Variants in ADGRV1 observed in about 807,000 individuals in gnomAD.
ADGRV1 encodes G-protein coupled receptor 98.
In ADGRV1, 359 loss-of-function variants were observed where a neutral mutation model predicts 596.2. That is an observed-to-expected ratio of 0.60 (90% confidence interval 0.55 to 0.66). The LOEUF is 0.66. ADGRV1 is among the 30% of genes least tolerant of loss of function. The pLI, the probability that ADGRV1 is intolerant of heterozygous loss-of-function variation, is 0.00. For synonymous variants in ADGRV1, 2,681 were observed against 2,679.2 expected (o/e 1.00, Z -0.02); for missense variants, 7,274 against 7,575.6 (o/e 0.96, Z 1.48).
intron 85 of ADGRV1, among the ~76,000 whole-genome samples, chr5:91,032,513 A>G (rs907678204): frequency 6.6e-6 from 1 of 151,924 alleles, no homozygotes; most frequent in Non-Finnish European, 1.5e-5. Context: ...TATCATTAGT[A>G]TTGTCTTCCT....
rs116016689 is a variant in ADGRV1, at chr5:91,151,066, T to C, written c.18624+845T>C. On this transcript the variant is annotated intron_variant, in intron 88 of 89. Transcript: ENST00000405460. ...TTAAGGAGCCAAGGAAAACAGTATTTGTGTTTACTTCCTGAAAAATGGCAG... is the reference window on the plus strand; with the variant it reads ...TTAAGGAGCCAAGGAAAACAGTATTCGTGTTTACTTCCTGAAAAATGGCAG... 3.4e-3 allele frequency among the ~76,000 whole-genome samples: 516 copies of C among 152,290 alleles called. 4 individuals are homozygous for C. Among genetic ancestry groups the C allele is most frequent in the African/African-American group, 0.011 (472 of 41,566 alleles).
chr5:90,872,882 T>C (rs565414462), intron 83 of ADGRV1, among the ~76,000 whole-genome samples: 72 of 152,362 alleles, frequency 4.7e-4, no homozygotes, highest in African/African-American at 1.6e-3. Context: ...TCTGTTACTA[T>C]AGTAAGCATG....
intron 70 of ADGRV1, among the ~76,000 whole-genome samples, chr5:90,795,669 A>G (rs1760621132): frequency 6.6e-6 from 1 of 152,288 alleles, no homozygotes; most frequent in African/African-American, 2.4e-5. Flanking sequence ...CTGCCTCCTC[A>G]AGTGGATCCC....
intron 85 of ADGRV1, among the ~76,000 whole-genome samples, chr5:91,035,839 A>AGTGT (rs200468874): frequency 1.3e-4 from 15 of 119,230 alleles, no homozygotes; most frequent in South Asian, 2.7e-4. Flanking sequence ...GTAATAAATG[A>AGTGT]GTGTGTATAT....
chr5:90,888,217 T>C (rs1283882059), intron 83 of ADGRV1, among the ~76,000 whole-genome samples: 1 of 152,170 alleles, frequency 6.6e-6, no homozygotes, highest in Non-Finnish European at 1.5e-5. Context: ...TAAATAATGT[T>C]TTCCCTCTAG....
intron 4 of ADGRV1, 61 bp downstream of exon 4, chr5:90,619,242 A>G: frequency 1.3e-6 from 1 of 778,356 alleles, no homozygotes. Context: ...AATTTTAAAA[A>G]TTAGTTTTCA....
Position 90,830,952 on chromosome 5 carries a change from C to T in ADGRV1, c.16611+1766C>T, listed in dbSNP as rs180765053. ...TCCTTTAAGTAAGAGAGAATTTTTCCTGTCTGATAGGCTTTGACTTGGAAT... is the reference window on the plus strand; with the variant it reads ...TCCTTTAAGTAAGAGAGAATTTTTCTTGTCTGATAGGCTTTGACTTGGAAT... On this transcript the variant is annotated intron_variant, in intron 77 of 89. Coordinates refer to ENST00000405460, the MANE Select transcript of ADGRV1 (RefSeq NM_032119.4). Among the ~76,000 whole-genome samples the T allele has an allele frequency of 3.8e-3, 573 of 152,212 alleles. 2 individuals carry two copies. The highest frequency in any genetic ancestry group is 0.013 in the African/African-American group (551 of 41,520).
At chr5:91,074,410 A>G (rs1386895756) in intron 86 of ADGRV1, among the ~76,000 whole-genome samples, 1 of 152,194 alleles carries the variant, frequency 6.6e-6, no homozygotes, top group Non-Finnish European at 1.5e-5. Flanking sequence ...CCCACTTATT[A>G]GTGAGAACAT....
intron 85 of ADGRV1, among the ~76,000 whole-genome samples, chr5:91,035,861 T>TATATATAA: frequency 7.3e-5 from 7 of 96,396 alleles, no homozygotes; most frequent in African/African-American, 2.7e-4. Context: ...TATATATATA[T>TATATATAA]TATATATATA....
intron 83 of ADGRV1, among the ~76,000 whole-genome samples, chr5:90,908,511 T>A (rs962621152): frequency 6.6e-6 from 1 of 152,226 alleles, no homozygotes; most frequent in African/African-American, 2.4e-5. Context: ...TTGCCAATAT[T>A]TCCTATTCTG....
intron 86 of ADGRV1, among the ~76,000 whole-genome samples, chr5:91,097,633 T>C (rs1041964255): frequency 2.0e-5 from 3 of 152,202 alleles, no homozygotes; most frequent in Admixed American, 2.0e-4. Context: ...GTGTTTAACA[T>C]CTTGAGGTTC....
chr5:90,771,229 T>G (rs766698976), intron 59 of ADGRV1, among the ~76,000 whole-genome samples: 13 of 152,022 alleles, frequency 8.6e-5, no homozygotes, highest in Non-Finnish European at 1.5e-4. Context: ...TCTCCTTTAC[T>G]ATCTTCGCAA....
At chr5:90,950,116 A>G (rs1211156144) in intron 83 of ADGRV1, among the ~76,000 whole-genome samples, 1 of 152,188 alleles carries the variant, frequency 6.6e-6, no homozygotes, top group African/African-American at 2.4e-5. Context: ...AACAGACTTT[A>G]AAGTACCATG....
At position 90,725,215 on chromosome 5, in the gene ADGRV1, G is replaced by A. The variant is rs1751606829; in HGVS notation, c.10036G>A (p.Gly3346Arg). 3 of 1,463,874 alleles carry A rather than the reference G, an allele frequency of 2.0e-6. No homozygotes were observed. The highest frequency in any genetic ancestry group is 1.8e-4 in the Middle Eastern group (1 of 5,448). 90.7% of individuals were successfully genotyped at this position (1,463,874 alleles called of 1,614,324 possible). A position where few individuals can be genotyped will look rare whatever the true frequency, so the allele number is the denominator to read the frequency against. Residue 3346 changes from glycine (G) to arginine (R), a missense_variant, in exon 47 of 90, where the codon GGA becomes AGA. Coordinates refer to ENST00000405460, the MANE Select transcript of ADGRV1 (RefSeq NM_032119.4). ...TAACAGTGTGTTTACATTCACATCTGGATTTAAATTATTCCTGGTAAAAAC... is the reference window on the plus strand; with the variant it reads ...TAACAGTGTGTTTACATTCACATCTAGATTTAAATTATTCCTGGTAAAAAC... ...SLNSVFTFTS[G>R]FKLFLVQTII...
Position 90,716,599 on chromosome 5 carries a change from A to C in ADGRV1, c.9317A>C (p.Glu3106Ala), listed in dbSNP as rs1255494440. 6.2e-7 allele frequency: 1 copy of C among 1,613,866 alleles called. No homozygotes were observed. The highest frequency in any genetic ancestry group is 2.2e-5 in the East Asian group (1 of 44,862). Residue 3106 changes from glutamate to alanine, a missense_variant, in exon 43 of 90, where the codon GAA (glutamate) becomes GCA (alanine). Coordinates refer to ENST00000405460, the MANE Select transcript of ADGRV1 (RefSeq NM_032119.4). ...ESVAVLYIVR[E>A]PAQGLFGTVT... ...GTTGCAGTATTGTACATTGTTCGGG[A>C]ACCTGCACAAGGATTGTTTGGAACA...
chr5:90,767,170 T>C (rs1373627868), intron 59 of ADGRV1, among the ~76,000 whole-genome samples: 1 of 152,214 alleles, frequency 6.6e-6, no homozygotes, highest in Non-Finnish European at 1.5e-5. Context: ...ATGTGTCAGA[T>C]AATACACAGT....
intron 84 of ADGRV1, among the ~76,000 whole-genome samples, chr5:90,977,016 T>C (rs911020645): frequency 3.3e-5 from 5 of 152,204 alleles, no homozygotes; most frequent in African/African-American, 1.2e-4. Context: ...CAAGCAAATG[T>C]GCGTGTTATT....
At chr5:90,736,146 T>C (rs1022391742) in intron 50 of ADGRV1, among the ~76,000 whole-genome samples, 19 of 152,280 alleles carry the variant, frequency 1.2e-4, no homozygotes, top group Non-Finnish European at 1.5e-4. Flanking sequence ...CTGAAGTACA[T>C]TTCCTCTATA....
At position 90,558,813 on chromosome 5, in the gene ADGRV1, AGC is replaced by A. The variant is rs1419442823; in HGVS notation, c.-79_-78del. ...TCCTGTAGTGGTAGTAAGAATCAGC[AGC>A]GCGGGCAAGGAGTACGGACGGGAGT... is the stretch of plus-strand genomic sequence containing the variant. On this transcript the variant is annotated 5_prime_UTR_variant, in exon 1 of 90. Coordinates refer to ENST00000405460, the MANE Select transcript of ADGRV1 (RefSeq NM_032119.4). The A allele has an allele frequency of 7.3e-7, 1 of 1,367,550 alleles. No homozygotes were observed. Among genetic ancestry groups the A allele is most frequent in the African/African-American group, 1.4e-5 (1 of 69,504 alleles). 84.7% of individuals were successfully genotyped at this position (1,367,550 alleles called of 1,614,324 possible).
Sources: allele counts gnomAD v4.1 joint callset (sites outside exome capture counted in the v4.1 genomes callset), GRCh38; gene constraint gnomAD v4.1.1; transcripts MANE v1.5; gene names NCBI Gene and HGNC (gene_info 2026-07-23, HGNC 2026-07-21).